The following MERTK variants were observed in gnomAD, a reference collection of about 807,000 sequenced individuals.
The protein encoded by MERTK is MER proto-oncogene, tyrosine kinase.
MERTK carries 69 observed loss-of-function variants against 99.3 expected under a neutral mutation model. The ratio of observed to expected loss-of-function variants is 0.70; its 90% CI spans 0.57 to 0.85. The LOEUF is 0.85. Ranked by LOEUF, MERTK falls within the 40% of genes least tolerant of loss-of-function variation. The pLI, the probability that MERTK is intolerant of heterozygous loss-of-function variation, is 0.00. For missense variants in MERTK, 1,125 were observed against 1,249.4 expected, an observed-to-expected ratio of 0.90 and a Z score of 1.50; for synonymous variants, 426 against 467.6, an observed-to-expected ratio of 0.91 and a Z score of 1.15.
At chr2:111,935,638 C>CGTGT (rs55986780) in intron 2 of MERTK, among the ~76,000 whole-genome samples, 1,844 of 139,892 alleles carry the variant, frequency 0.013, 19 homozygotes, top group Middle Eastern at 0.022. Flanking sequence ...GGTCTTGGCT[C>CGTGT]GTGTGTGTGT....
At chr2:111,919,408 C>A (rs1684413295) in intron 1 of MERTK, among the ~76,000 whole-genome samples, 1 of 151,978 alleles carries the variant, frequency 6.6e-6, no homozygotes, top group Non-Finnish European at 1.5e-5. Context: ...TAAATTCAAG[C>A]CCTGGGTGGG....
intron 6 of MERTK, among the ~76,000 whole-genome samples, chr2:111,975,062 T>C (rs1676216118): frequency 6.6e-6 from 1 of 152,158 alleles, no homozygotes; most frequent in African/African-American, 2.4e-5. Context: ...ACAGTGAGAA[T>C]TGTTAATTGT....
intron 5 of MERTK, among the ~76,000 whole-genome samples, chr2:111,965,754 C>A (rs1007642462): frequency 6.6e-6 from 1 of 152,116 alleles, no homozygotes; most frequent in Non-Finnish European, 1.5e-5. Flanking sequence ...GACTCCCTGC[C>A]ACCTACTGAC....
Position 111,975,323 on chromosome 2 carries a change from T to G in MERTK, c.995T>G (p.Val332Gly). The change falls in exon 7 of 19, where the codon GTC (valine) becomes GGC (glycine). Residue 332 changes from valine to glycine, a missense_variant. Val to Gly is a moderately radical substitution (Grantham distance 109). Transcript: ENST00000295408. ...KEADPLSNGS[V>G]MIFNTSALPH... is the part of the protein sequence containing the mutation. Reference sequence around the variant, plus strand: ...GCTGATCCGCTGAGTAATGGCTCAGTCATGATTTTTAACACCTCTGCCTTA... The same window carrying G: ...GCTGATCCGCTGAGTAATGGCTCAGGCATGATTTTTAACACCTCTGCCTTA... The G allele has an allele frequency of 1.2e-6, 2 of 1,614,188 alleles. No individual in the cohort carries two copies. Among genetic ancestry groups the G allele is most frequent in the Non-Finnish European group, 1.7e-6 (2 of 1,180,046 alleles).
At chr2:112,014,799 C>T (rs1276281955) in intron 15 of MERTK, among the ~76,000 whole-genome samples, 1 of 151,860 alleles carries the variant, frequency 6.6e-6, no homozygotes, top group African/African-American at 2.4e-5. Flanking sequence ...CCACGCCTGG[C>T]TAATTTTTTT....
chr2:111,964,428 T>C lies in MERTK; in HGVS notation c.758-763T>C, dbSNP rs147531206. On this transcript the variant is annotated intron_variant, in intron 4 of 18. Coordinates refer to ENST00000295408, the MANE Select transcript of MERTK (RefSeq NM_006343.3). Reference sequence around the variant, plus strand: ...GCGCGCACGCGCATGTGTGTGTGTGTACGTTGTGTGTTGTGTTTGTTTTAT... The same window carrying C: ...GCGCGCACGCGCATGTGTGTGTGTGCACGTTGTGTGTTGTGTTTGTTTTAT... 7.8e-3 allele frequency among the ~76,000 whole-genome samples: 1,189 copies of C among 152,186 alleles called. 12 individuals are homozygous for C. Among genetic ancestry groups the C allele is most frequent in the Middle Eastern group, 0.017 (5 of 294 alleles).
At position 111,961,129 on chromosome 2, in the gene MERTK, T is replaced by C. The variant is rs141674855; in HGVS notation, c.758-4062T>C. ...GTAGATGGCTTCTACCAGGAGTTTT[T>C]GTTTCTTAGCACTTTAAATTTTCTT... On this transcript the variant is annotated intron_variant, in intron 4 of 18. Coordinates refer to ENST00000295408, the MANE Select transcript of MERTK (RefSeq NM_006343.3). 6.1e-3 allele frequency among the ~76,000 whole-genome samples: 924 copies of C among 151,754 alleles called. 12 individuals are homozygous for C. The highest frequency in any genetic ancestry group is 0.022 in the African/African-American group (891 of 41,328).
chr2:111,902,412 G>C (rs1019728689), intron 1 of MERTK, among the ~76,000 whole-genome samples: 7 of 152,186 alleles, frequency 4.6e-5, no homozygotes, highest in Non-Finnish European at 1.0e-4. Flanking sequence ...GAATCTGATT[G>C]TATTTTCCAT....
rs1573603627 is a variant in MERTK, at chr2:111,962,639, C to A, written c.758-2552C>A. ...TTACATTGGTGTGGTGCATTTGCTA[C>A]AATTGATGAACCAATACGGATACAT... On this transcript the variant is annotated intron_variant, in intron 4 of 18. Coordinates refer to ENST00000295408, the MANE Select transcript of MERTK (RefSeq NM_006343.3). Among the ~76,000 whole-genome samples the A allele has an allele frequency of 2.0e-5, 3 of 152,326 alleles. No individual in the cohort carries two copies. In the South Asian group the frequency reaches 6.2e-4, roughly 32 times the overall value.
At chr2:111,906,706 T>G (rs1270684592) in intron 1 of MERTK, among the ~76,000 whole-genome samples, 1 of 152,232 alleles carries the variant, frequency 6.6e-6, no homozygotes, top group Admixed American at 6.5e-5. Context: ...TTTGAAGATT[T>G]GGTGATGAAA....
At chr2:111,997,597 T>C (rs1676776644) in intron 10 of MERTK, 121 bp downstream of exon 10, 2 of 1,183,346 alleles carry the variant, frequency 1.7e-6, no homozygotes, top group Non-Finnish European at 2.4e-6. Context: ...CCCTGCCTTA[T>C]GCATACCCTG....
Position 112,028,439 on chromosome 2 carries a change from G to GAA in MERTK, c.2577_2578dup (p.Ser860LysfsTer37), listed in dbSNP as rs1342715176. On this transcript the variant is annotated frameshift_variant, in exon 19 of 19. Transcript: ENST00000295408. LOFTEE classifies it low-confidence loss of function (END_TRUNC). ...GAGGCTGCAGCTAGAAAAACTCTTA[G>GAA]AAAGTTTGCCTGACGTTCGGAACCA... 2.0e-5 allele frequency: 32 copies of GAA among 1,614,030 alleles called. No homozygotes were observed. The highest frequency in any genetic ancestry group is 2.5e-5 in the Non-Finnish European group (30 of 1,180,034).
chr2:112,027,157 A>T (rs187667185), intron 18 of MERTK, among the ~76,000 whole-genome samples: 4 of 151,262 alleles, frequency 2.6e-5, no homozygotes, highest in Admixed American at 2.0e-4. Context: ...ATCTATTTTT[A>T]AAATTTTATA....
rs538052759 is a variant in MERTK, at chr2:111,922,491, G to T, written c.62-6629G>T. On this transcript the variant is annotated intron_variant, in intron 1 of 18. Coordinates refer to ENST00000295408, the MANE Select transcript of MERTK (RefSeq NM_006343.3). ...TTACTCTAGTATTGCCCTTCCCCAT[G>T]CATTGTCCAAGGCAGACATCACTAA... Among the ~76,000 whole-genome samples, 9 of 152,264 alleles carry T rather than the reference G, an allele frequency of 5.9e-5. No homozygotes were observed. In the South Asian group the frequency reaches 1.9e-3, roughly 32 times the overall value.
At chr2:111,901,559 CTT>C (rs11459119) in intron 1 of MERTK, among the ~76,000 whole-genome samples, 4 of 131,184 alleles carry the variant, frequency 3.0e-5, no homozygotes, top group Admixed American at 8.1e-5. Flanking sequence ...TTCTTTCTTT[CTT>C]TTTTTTTTTT....
Position 111,934,693 on chromosome 2 carries a change from T to C in MERTK, c.482+5153T>C, listed in dbSNP as rs4583475. On this transcript the variant is annotated intron_variant, in intron 2 of 18. Coordinates refer to ENST00000295408, the MANE Select transcript of MERTK (RefSeq NM_006343.3). ...GCCTGCTCACTCTGATGATAGTTTC[T>C]TTTGCTATGCAGAAACTCTTTAGTT... is the stretch of plus-strand genomic sequence containing the variant. Among the ~76,000 whole-genome samples the C allele has an allele frequency of 5.4e-3, 824 of 152,324 alleles. 8 individuals carry two copies. The highest frequency in any genetic ancestry group is 0.019 in the African/African-American group (796 of 41,558).
At chr2:111,910,910 G>A (rs1684235442) in intron 1 of MERTK, among the ~76,000 whole-genome samples, 1 of 152,106 alleles carries the variant, frequency 6.6e-6, no homozygotes, top group Non-Finnish European at 1.5e-5. Context: ...GGAGGGATAA[G>A]TTTAGTGTTC....
rs570516213 is a variant in MERTK at position 112,010,290 on chromosome 2, A to G, written c.2079+224A>G. The G allele has an allele frequency of 1.3e-4, 62 of 481,384 alleles. No homozygotes were observed. In the East Asian group the frequency reaches 2.5e-3, roughly 20 times the overall value. The allele number at this position is 481,384 out of a possible 1,614,324, so 29.8% of individuals were successfully genotyped here. ...TTATGGTGGGTAAGTGGCTGCGTGCACAGTCTTATGGACAAAGCCTTACCA... is the reference window on the plus strand; with the variant it reads ...TTATGGTGGGTAAGTGGCTGCGTGCGCAGTCTTATGGACAAAGCCTTACCA... On this transcript the variant is annotated intron_variant, in intron 15 of 18. Coordinates refer to ENST00000295408, the MANE Select transcript of MERTK (RefSeq NM_006343.3).
intron 4 of MERTK, among the ~76,000 whole-genome samples, chr2:111,948,376 C>T (rs1249671793): frequency 6.6e-6 from 1 of 152,182 alleles, no homozygotes; most frequent in African/African-American, 2.4e-5. Flanking sequence ...CCTTCTTTTA[C>T]TCTGAGATGC....
Sources: allele counts gnomAD v4.1 joint callset (sites outside exome capture counted in the v4.1 genomes callset), GRCh38; gene constraint gnomAD v4.1.1; transcripts MANE v1.5; gene names NCBI Gene and HGNC (gene_info 2026-07-23, HGNC 2026-07-21).